PPA2: variants seen among roughly 807,000 people sequenced by gnomAD.
PPA2 encodes the protein inorganic pyrophosphatase 2, mitochondrial.
A neutral mutation model predicts 49.5 loss-of-function variants in PPA2; 48 were observed. The ratio of observed to expected loss-of-function variants is 0.97; its 90% CI spans 0.77 to 1.23. The LOEUF (loss-of-function observed/expected upper bound fraction) is 1.23. PPA2 is among the 50% of genes most tolerant of loss of function. PPA2 has a pLI of 0.00. For synonymous variants in PPA2, 131 were observed against 139.9 expected (o/e 0.94, Z 0.45); for missense variants, 429 against 410.1 (o/e 1.05, Z -0.40).
At chr4:105,393,485 A>AAATAAT (rs57790851) in intron 9 of PPA2, among the ~76,000 whole-genome samples, 16 of 132,802 alleles carry the variant, frequency 1.2e-4, no homozygotes, top group African/African-American at 2.3e-4. Context: ...CACTGTCTCA[A>AAATAAT]AATAATAATA....
chr4:105,462,720 T>C (rs377708073), intron 1 of PPA2, among the ~76,000 whole-genome samples: 26 of 152,292 alleles, frequency 1.7e-4, no homozygotes, highest in African/African-American at 5.5e-4. Flanking sequence ...CCACGTGTTG[T>C]GGGTGGGACT....
At chr4:105,454,130 T>C (rs1300886611) in intron 2 of PPA2, among the ~76,000 whole-genome samples, 2 of 152,292 alleles carry the variant, frequency 1.3e-5, no homozygotes, top group East Asian at 1.9e-4. Context: ...CAAGCACTTT[T>C]AAATTAAAAC....
chr4:105,432,590 T>C (rs1245625660), intron 6 of PPA2, among the ~76,000 whole-genome samples: 1 of 152,160 alleles, frequency 6.6e-6, no homozygotes, highest in African/African-American at 2.4e-5. Flanking sequence ...GTATTAGCAG[T>C]AGAGGCAGAA....
rs541313769 is a variant in PPA2 at position 105,429,587 on chromosome 4, C to G, written c.529-5265G>C. 3.3e-5 allele frequency among the ~76,000 whole-genome samples: 5 copies of G among 152,136 alleles called. No individual in the cohort carries two copies. The South Asian group carries it at 1.0e-3, about 32-fold the overall frequency. ...AAAAATTAGGCACCAAGAAAGTGGA[C>G]CTGTTTACAGTTTCAACCTATTGCA... On this transcript the variant is annotated intron_variant, in intron 6 of 11. Coordinates refer to ENST00000341695, the MANE Select transcript of PPA2 (RefSeq NM_176869.3).
At chr4:105,438,499 A>T (rs1376659582) in intron 5 of PPA2, among the ~76,000 whole-genome samples, 1 of 152,232 alleles carries the variant, frequency 6.6e-6, no homozygotes, top group Non-Finnish European at 1.5e-5. Flanking sequence ...ATGAAAGGAC[A>T]AAACACTACT....
chr4:105,432,562 G>A (rs1407137589), intron 6 of PPA2, among the ~76,000 whole-genome samples: 1 of 152,192 alleles, frequency 6.6e-6, no homozygotes, highest in Non-Finnish European at 1.5e-5. Flanking sequence ...ATATAAATAT[G>A]TGGATCAATT....
At chr4:105,457,247 G>A (rs1436314004) in intron 1 of PPA2, among the ~76,000 whole-genome samples, 2 of 152,070 alleles carry the variant, frequency 1.3e-5, no homozygotes, top group African/African-American at 2.4e-5. Context: ...CTAATACTAA[G>A]GTAAGCTTAG....
rs200123475 is a variant in PPA2, at chr4:105,437,999, T to C, written c.479A>G (p.Asn160Ser). The change falls in exon 6 of 12, where the codon AAC becomes AGC. Residue 160 changes from asparagine to serine, a missense_variant. Asn to Ser is a conservative substitution (Grantham distance 46, BLOSUM62 1). Coordinates refer to ENST00000341695, the MANE Select transcript of PPA2 (RefSeq NM_176869.3). ...EDPHEKDKST[N>S]CFGDNDPIDV... is the part of the protein sequence containing the mutation. ...AATAGGATCATTATCTCCAAAGCAG[T>C]TCGTGCTCTTATCTTTTTCATGGGG... is the stretch of plus-strand genomic sequence containing the variant. 3.1e-6 allele frequency: 5 copies of C among 1,608,846 alleles called. No individual in the cohort carries two copies. In the Admixed American group the frequency reaches 5.1e-5, roughly 16 times the overall value.
intron 1 of PPA2, among the ~76,000 whole-genome samples, chr4:105,470,025 C>T (rs1431163849): frequency 6.6e-6 from 1 of 152,168 alleles, no homozygotes; most frequent in African/African-American, 2.4e-5. Flanking sequence ...TTGGTTCATT[C>T]CCAGACTAAA....
At chr4:105,444,107 A>C (rs1171177228) in intron 5 of PPA2, among the ~76,000 whole-genome samples, 2 of 152,200 alleles carry the variant, frequency 1.3e-5, no homozygotes, top group Non-Finnish European at 2.9e-5. Context: ...TCACTGCTTT[A>C]CCTGCAGTAC....
rs1384120615 is a variant in PPA2 at position 105,393,500 on chromosome 4, T to C, written c.869+2749A>G. On this transcript the variant is annotated intron_variant, in intron 9 of 11. Coordinates refer to ENST00000341695, the MANE Select transcript of PPA2 (RefSeq NM_176869.3). ...CACTGTCTCAAAATAATAATAATAA[T>C]AATAATAATAATAATAATAATAATA... 3.4e-4 allele frequency among the ~76,000 whole-genome samples: 27 copies of C among 79,288 alleles called. 1 individual carries two copies. Among genetic ancestry groups the C allele is most frequent in the African/African-American group, 9.3e-4 (27 of 29,154 alleles). The allele number at this position is 79,288 out of a possible 152,430, so 52.0% of individuals were successfully genotyped here. A position where few individuals can be genotyped will look rare whatever the true frequency, so the allele number is the denominator to read the frequency against.
chr4:105,439,112 A>G (rs899961263), intron 5 of PPA2, among the ~76,000 whole-genome samples: 28 of 152,174 alleles, frequency 1.8e-4, no homozygotes, highest in Admixed American at 1.6e-3. Context: ...AATCTTACAT[A>G]CTGGTCATAG....
At chr4:105,385,288 A>G (rs1409425320) in intron 10 of PPA2, among the ~76,000 whole-genome samples, 3 of 152,030 alleles carry the variant, frequency 2.0e-5, no homozygotes. Flanking sequence ...CTTCTTATCC[A>G]TCTCTCCAGA....
At chr4:105,380,968 G>T (rs1733465609) in intron 10 of PPA2, among the ~76,000 whole-genome samples, 2 of 152,182 alleles carry the variant, frequency 1.3e-5, no homozygotes, top group African/African-American at 4.8e-5. Flanking sequence ...ATTACTTAAT[G>T]TTCTTCAAAG....
At chr4:105,379,090 T>A (rs1733371539) in intron 10 of PPA2, among the ~76,000 whole-genome samples, 2 of 152,026 alleles carry the variant, frequency 1.3e-5, no homozygotes, top group Admixed American at 1.3e-4. Flanking sequence ...AGAACTGATA[T>A]CAAAATACTG....
chr4:105,464,400 A>T (rs1352330579), intron 1 of PPA2, among the ~76,000 whole-genome samples: 1 of 152,216 alleles, frequency 6.6e-6, no homozygotes, highest in Non-Finnish European at 1.5e-5. Context: ...ACAGGCTCAT[A>T]GGTAGAAGGG....
Position 105,399,395 on chromosome 4 carries a change from C to T in PPA2, c.656-231G>A, listed in dbSNP as rs1578818088. The T allele has an allele frequency of 2.1e-5, 7 of 338,258 alleles. No homozygotes were observed. In the East Asian group the frequency reaches 3.4e-4, roughly 17 times the overall value. The allele number at this position is 338,258 out of a possible 1,614,324, so 21.0% of individuals were successfully genotyped here. ...CACTCTACAAACATTTACAAAGCAT[C>T]TTCAGACAATGTGCTATGTATGGGG... is the stretch of plus-strand genomic sequence containing the variant. On this transcript the variant is annotated intron_variant, in intron 7 of 11. Transcript: ENST00000341695.
intron 8 of PPA2, among the ~76,000 whole-genome samples, chr4:105,397,605 G>C (rs559171723): frequency 6.6e-6 from 1 of 152,118 alleles, no homozygotes; most frequent in Non-Finnish European, 1.5e-5. Context: ...AATTTGATCC[G>C]CAGTGTTGGA....
At chr4:105,421,373 A>G (rs1282922750) in intron 7 of PPA2, among the ~76,000 whole-genome samples, 1 of 152,204 alleles carries the variant, frequency 6.6e-6, no homozygotes, top group Non-Finnish European at 1.5e-5. Flanking sequence ...AGGTAGGAAG[A>G]AAAACTTTAC....
Sources: allele counts gnomAD v4.1 joint callset (sites outside exome capture counted in the v4.1 genomes callset), GRCh38; gene constraint gnomAD v4.1.1; transcripts MANE v1.5; gene names NCBI Gene and HGNC (gene_info 2026-07-23, HGNC 2026-07-21).